Variants in KDM2B observed in about 807,000 individuals in gnomAD.
KDM2B encodes the protein lysine-specific demethylase 2B.
In KDM2B, 26 loss-of-function variants were observed where a neutral mutation model predicts 150.0. The observed-to-expected ratio is 0.17, with a 90% CI of 0.13 to 0.24. The LOEUF is 0.24. KDM2B is among the 10% of genes least tolerant of loss of function. The probability of loss-of-function intolerance (pLI) is 1.00; values close to 1 mark genes in which losing one functional copy is unlikely to be tolerated. For missense variants in KDM2B, 1,265 were observed against 1,816.9 expected, an observed-to-expected ratio of 0.70 and a Z score of 5.52; for synonymous variants, 734 against 729.5, an observed-to-expected ratio of 1.01 and a Z score of -0.10.
At chr12:121,516,306 T>C in intron 9 of KDM2B, 1 of 367,064 alleles carries the variant, frequency 2.7e-6, no homozygotes, top group Admixed American at 4.1e-5. Flanking sequence ...GGGCTGCACT[T>C]CAGGAGGGAA....
intron 6 of KDM2B, among the ~76,000 whole-genome samples, chr12:121,546,379 CTTTTTTTTTTT>C (rs371614406): frequency 6.2e-5 from 6 of 97,486 alleles, no homozygotes; most frequent in Admixed American, 4.2e-4. Context: ...TTTTTTTTGC[CTTTTTTTTTTT>C]TTTTTTTTTT....
intron 8 of KDM2B, among the ~76,000 whole-genome samples, chr12:121,527,221 T>A (rs1436223510): frequency 6.7e-6 from 1 of 149,232 alleles, no homozygotes; most frequent in African/African-American, 2.4e-5. Context: ...AGATAATTTT[T>A]TTTTTTTTGT....
intron 22 of KDM2B, among the ~76,000 whole-genome samples, chr12:121,438,900 C>G (rs986658803): frequency 2.0e-5 from 3 of 152,052 alleles, no homozygotes; most frequent in African/African-American, 7.2e-5. Context: ...CCAACACCCC[C>G]CAATCCAGAC....
rs941076627 is a variant in KDM2B, at chr12:121,533,540, G to A, written c.778-581C>T. Among the ~76,000 whole-genome samples the A allele has an allele frequency of 6.6e-5, 10 of 152,214 alleles. No individual in the cohort carries two copies. The highest frequency in any genetic ancestry group is 4.6e-4 in the Admixed American group (7 of 15,278). On this transcript the variant is annotated intron_variant, in intron 7 of 22. Coordinates refer to ENST00000377071, the MANE Select transcript of KDM2B (RefSeq NM_032590.5). The surrounding 1 kb of genome is among the most constrained non-coding windows in gnomAD (Gnocchi z 4.1). Reference sequence around the variant, plus strand: ...CACGCAACAAAAGCAGACACAGGGAGCACCCTTAGCATTCTGTCCCCAGTG... The same window carrying A: ...CACGCAACAAAAGCAGACACAGGGAACACCCTTAGCATTCTGTCCCCAGTG...
intron 1 of KDM2B, chr12:121,580,544 C>T: frequency 2.8e-6 from 3 of 1,060,398 alleles, no homozygotes; most frequent in Non-Finnish European, 2.4e-6. Context: ...GAGTTGCAGG[C>T]GGCGGGCGCA....
intron 4 of KDM2B, among the ~76,000 whole-genome samples, chr12:121,555,570 G>A (rs990074155): frequency 1.3e-5 from 2 of 152,056 alleles, no homozygotes; most frequent in Non-Finnish European, 2.9e-5. Context: ...ACGGGGTTTC[G>A]CCATATTGCC....
At chr12:121,519,379 A>G (rs2141152360) in intron 9 of KDM2B, among the ~76,000 whole-genome samples, 1 of 152,350 alleles carries the variant, frequency 6.6e-6, no homozygotes, top group African/African-American at 2.4e-5. Flanking sequence ...TGGGGCAAAA[A>G]GCCATCTCAG....
At chr12:121,563,364 T>C (rs917995860) in intron 4 of KDM2B, among the ~76,000 whole-genome samples, 2 of 151,924 alleles carry the variant, frequency 1.3e-5, no homozygotes, top group African/African-American at 2.4e-5. Flanking sequence ...CCCAGCACTT[T>C]GGGAGGCCGA....
intron 12 of KDM2B, chr12:121,469,275 C>G (rs782273380): frequency 6.7e-6 from 1 of 150,134 alleles, no homozygotes; most frequent in Non-Finnish European, 1.5e-5. Context: ...CTAACCCCCC[C>G]ACCCCACCCC....
chr12:121,445,234 C>G (rs963616864), intron 14 of KDM2B, 41 bp downstream of exon 14: 8 of 1,600,448 alleles, frequency 5.0e-6, no homozygotes, highest in African/African-American at 2.7e-5. Context: ...CCCTACCTGC[C>G]CCAGAGCGTC....
intron 12 of KDM2B, among the ~76,000 whole-genome samples, chr12:121,486,211 C>T (rs1882735202): frequency 1.3e-5 from 2 of 151,584 alleles, no homozygotes; most frequent in Non-Finnish European, 2.9e-5. Flanking sequence ...CGGGTTCAAG[C>T]TATTCTCCTG....
chr12:121,430,868 G>A lies in KDM2B; in HGVS notation c.3830-399C>T, dbSNP rs138683894. Among the ~76,000 whole-genome samples, 3 of 152,264 alleles carry A rather than the reference G, an allele frequency of 2.0e-5. No individual in the cohort carries two copies. Among genetic ancestry groups the A allele is most frequent in the East Asian group, 3.9e-4 (2 of 5,192 alleles). The stretch of plus-strand genomic sequence containing the variant: ...TGAGTACTGCTCTATGTCTATTACT[G>A]TGCATTTATTTGCCTCCTCCCTTCA... On this transcript the variant is annotated intron_variant, in intron 22 of 22. Coordinates refer to ENST00000377071, the MANE Select transcript of KDM2B (RefSeq NM_032590.5). This position sits in a 1 kb window ranked among gnomAD's most constrained non-coding sequence, Gnocchi z 4.4.
At chr12:121,493,066 T>G (rs1883532224) in intron 12 of KDM2B, among the ~76,000 whole-genome samples, 1 of 134,848 alleles carries the variant, frequency 7.4e-6, no homozygotes, top group Non-Finnish European at 1.6e-5. Context: ...TGGCTTTTTT[T>G]TTTTTTTTTT....
chr12:121,577,990 C>T (rs1307181338), intron 2 of KDM2B, among the ~76,000 whole-genome samples: 11 of 152,244 alleles, frequency 7.2e-5, no homozygotes, highest in African/African-American at 2.2e-4. Flanking sequence ...ACCCTGGAGG[C>T]GTCCCCAGAT....
At chr12:121,489,186 G>A (rs1433654256) in intron 12 of KDM2B, among the ~76,000 whole-genome samples, 1 of 152,050 alleles carries the variant, frequency 6.6e-6, no homozygotes, top group Non-Finnish European at 1.5e-5. Context: ...CTGAAGTGAT[G>A]TGCCCAACTC....
intron 7 of KDM2B, 102 bp downstream of exon 7, chr12:121,534,394 GC>G: frequency 1.2e-6 from 1 of 810,796 alleles, no homozygotes; most frequent in East Asian, 2.5e-5. Context: ...CTGGGGCAGG[GC>G]TGGTTGGAGG....
chr12:121,525,587 C>T (rs1887060895), intron 8 of KDM2B, among the ~76,000 whole-genome samples: 1 of 152,128 alleles, frequency 6.6e-6, no homozygotes, highest in Non-Finnish European at 1.5e-5. Flanking sequence ...TGCTGCCTTC[C>T]ACCTAGAAAA....
intron 12 of KDM2B, among the ~76,000 whole-genome samples, chr12:121,482,705 G>A (rs1220513791): frequency 6.6e-6 from 1 of 152,174 alleles, no homozygotes; most frequent in African/African-American, 2.4e-5. Context: ...AGAAGCATTT[G>A]GAGTACAGGT....
intron 4 of KDM2B, among the ~76,000 whole-genome samples, chr12:121,559,103 G>C (rs936239822): frequency 5.3e-5 from 8 of 152,208 alleles, no homozygotes; most frequent in Non-Finnish European, 1.0e-4. Flanking sequence ...AAGGGAGTCA[G>C]GACTTAAGGG....
Sources: allele counts gnomAD v4.1 joint callset (sites outside exome capture counted in the v4.1 genomes callset), GRCh38; gene constraint gnomAD v4.1.1; non-coding constraint Gnocchi (gnomAD v3.1); transcripts MANE v1.5; gene names NCBI Gene and HGNC (gene_info 2026-07-23, HGNC 2026-07-21).